Variants in DPH6 observed in about 807,000 individuals in gnomAD.
DPH6 encodes diphthine--ammonia ligase.
Under a neutral mutation model 38.2 loss-of-function variants are expected in DPH6, and 33 were observed. The observed-to-expected ratio is 0.86, with a 90% CI of 0.65 to 1.15. The LOEUF is 1.15. Among genes scored for constraint, DPH6 ranks in the 50% most tolerant of loss-of-function variants. DPH6 has a pLI of 0.00. For missense variants in DPH6, 325 were observed against 320.0 expected, an observed-to-expected ratio of 1.02 and a Z score of -0.12; for synonymous variants, 108 against 103.0, an observed-to-expected ratio of 1.05 and a Z score of -0.30.
intron 3 of DPH6, among the ~76,000 whole-genome samples, chr15:35,489,028 C>A (rs942826595): frequency 2.0e-5 from 3 of 152,126 alleles, no homozygotes; most frequent in Non-Finnish European, 4.4e-5. Flanking sequence ...ATTTACCACT[C>A]ACTATCTATG....
intron 3 of DPH6, among the ~76,000 whole-genome samples, chr15:35,338,425 G>C (rs1260703454): frequency 6.6e-6 from 1 of 152,228 alleles, no homozygotes; most frequent in African/African-American, 2.4e-5. Context: ...AAAAACAGAT[G>C]AAAGAATGCT....
intron 3 of DPH6, among the ~76,000 whole-genome samples, chr15:35,345,047 T>C (rs1278318032): frequency 6.6e-6 from 1 of 151,798 alleles, no homozygotes; most frequent in South Asian, 2.1e-4. Flanking sequence ...TGTTAAAATA[T>C]GGAAAAAATA....
chr15:35,291,940 T>G (rs1468544514), intron 3 of DPH6, among the ~76,000 whole-genome samples: 2 of 152,160 alleles, frequency 1.3e-5, no homozygotes, highest in Non-Finnish European at 2.9e-5. Context: ...CAGTTCTCTT[T>G]GCTCACTTAG....
At chr15:35,498,776 G>C (rs1204375543) in intron 3 of DPH6, among the ~76,000 whole-genome samples, 3 of 151,632 alleles carry the variant, frequency 2.0e-5, no homozygotes, top group Admixed American at 1.3e-4. Flanking sequence ...TATTCATATA[G>C]CTTTTTTTAC....
chr15:35,151,199 CTA>C, the DPH6 span, among the ~76,000 whole-genome samples: 3 of 152,112 alleles, frequency 2.0e-5, no homozygotes, highest in Non-Finnish European at 4.4e-5. Context: ...GCTTCTGGAT[CTA>C]TGTTTTTCTT....
At chr15:35,351,931 A>C (rs2052515336) in intron 3 of DPH6, among the ~76,000 whole-genome samples, 1 of 152,010 alleles carries the variant, frequency 6.6e-6, no homozygotes, top group Non-Finnish European at 1.5e-5. Context: ...TGTTGCCCAT[A>C]CTGGTCTCAA....
chr15:35,228,570 G>A (rs2051497736), intron 3 of DPH6, among the ~76,000 whole-genome samples: 1 of 152,170 alleles, frequency 6.6e-6, no homozygotes, highest in East Asian at 1.9e-4. Flanking sequence ...TGGGACCACA[G>A]ACACGTGCCA....
chr15:35,205,524 C>T, the DPH6 span, among the ~76,000 whole-genome samples: 4 of 151,904 alleles, frequency 2.6e-5, no homozygotes, highest in Non-Finnish European at 4.4e-5. Context: ...ATTTACATAG[C>T]CTATTTTTAT....
intron 3 of DPH6, among the ~76,000 whole-genome samples, chr15:35,496,555 C>CAAA (rs1180094812): frequency 8.1e-5 from 4 of 49,260 alleles, no homozygotes; most frequent in Non-Finnish European, 1.3e-4. Flanking sequence ...AGTTCCATCT[C>CAAA]AAAAAAAAAA....
chr15:35,508,074 G>A (rs1248115463), intron 3 of DPH6, among the ~76,000 whole-genome samples: 2 of 151,990 alleles, frequency 1.3e-5, no homozygotes, highest in African/African-American at 4.8e-5. Flanking sequence ...TAAGAGGCTC[G>A]GCAGGAGGAC....
At chr15:35,330,834 A>G (rs973312749) in exon 4 of DPH6, 1 of 152,238 alleles carries the variant, frequency 6.6e-6, no homozygotes, top group Non-Finnish European at 1.5e-5. Flanking sequence ...AGACATTTAT[A>G]GATTCAGGTT....
chr15:35,257,149 A>T (rs2051713979), intron 3 of DPH6, among the ~76,000 whole-genome samples: 1 of 152,236 alleles, frequency 6.6e-6, no homozygotes, highest in African/African-American at 2.4e-5. Context: ...CACCATGAAA[A>T]GATGACATTA....
chr15:35,197,890 T>C, the DPH6 span, among the ~76,000 whole-genome samples: 1 of 152,342 alleles, frequency 6.6e-6, no homozygotes, highest in Non-Finnish European at 1.5e-5. Context: ...GGGCTTCTAC[T>C]GAGCAGCCAG....
the DPH6 span, among the ~76,000 whole-genome samples, chr15:35,209,709 T>C: frequency 2.0e-5 from 3 of 152,222 alleles, no homozygotes; most frequent in Non-Finnish European, 4.4e-5. Flanking sequence ...GGAATTAAGA[T>C]AAAATTAGTG....
intron 3 of DPH6, among the ~76,000 whole-genome samples, chr15:35,293,584 A>G (rs2051993748): frequency 6.6e-6 from 1 of 152,240 alleles, no homozygotes; most frequent in Non-Finnish European, 1.5e-5. Flanking sequence ...GAGTTAGTGT[A>G]GTTGCAAGAG....
At chr15:35,299,545 C>A (rs1031820753) in intron 3 of DPH6, 2 of 542,296 alleles carry the variant, frequency 3.7e-6, no homozygotes, top group East Asian at 7.2e-5. Context: ...CACCACCCTC[C>A]GCTGAGTCCG....
At chr15:35,520,234 A>AC in intron 3 of DPH6, 22 of 810,072 alleles carry the variant, frequency 2.7e-5, no homozygotes, top group South Asian at 5.8e-5. Flanking sequence ...AAAAAACAAA[A>AC]AAAAAACAAA....
At chr15:35,154,612 C>T in the DPH6 span, among the ~76,000 whole-genome samples, 4 of 152,260 alleles carry the variant, frequency 2.6e-5, no homozygotes, top group South Asian at 4.1e-4. Flanking sequence ...ATGTTCTCTC[C>T]ATGACAAATG....
intron 3 of DPH6, among the ~76,000 whole-genome samples, chr15:35,272,776 C>T (rs147409412): frequency 1.3e-5 from 2 of 152,042 alleles, no homozygotes; most frequent in African/African-American, 2.4e-5. Context: ...AGCATGGTGG[C>T]GCATGCCTTA....
Sources: allele counts gnomAD v4.1 joint callset (sites outside exome capture counted in the v4.1 genomes callset), GRCh38; gene constraint gnomAD v4.1.1; transcripts MANE v1.5; gene names NCBI Gene and HGNC (gene_info 2026-07-23, HGNC 2026-07-21).